Variants in PLAC1 observed in about 807,000 individuals in gnomAD.
PLAC1 encodes the protein placenta associated 1, also known as placenta-specific protein 1.
For missense variants in PLAC1, 136 were observed against 163.2 expected (o/e 0.83, Z 0.91); for synonymous variants, 68 against 62.1 (o/e 1.09, Z -0.44).
At chrX:134,741,212 A>G (rs968842545) in intron 1 of PLAC1, among the ~76,000 whole-genome samples, 17 of 111,984 alleles carry the variant, frequency 1.5e-4, no homozygotes, top group Non-Finnish European at 3.0e-4. Context: ...GGTAAACAGA[A>G]GCTAGCTTTA....
intron 2 of PLAC1, among the ~76,000 whole-genome samples, chrX:134,675,633 C>T (rs1210097081): frequency 9.1e-6 from 1 of 109,295 alleles, no homozygotes; most frequent in Non-Finnish European, 1.9e-5. Context: ...CCATTGCACT[C>T]CAGCCCGGGC....
At chrX:134,733,175 C>T (rs1386707306) in intron 2 of PLAC1, among the ~76,000 whole-genome samples, 1 of 110,700 alleles carries the variant, frequency 9.0e-6, no homozygotes, top group Non-Finnish European at 1.9e-5. Context: ...GGCTTCTCAC[C>T]ATCCCTTGAA....
intron 1 of PLAC1, among the ~76,000 whole-genome samples, chrX:134,620,359 T>A (rs778710422): frequency 1.8e-5 from 2 of 112,444 alleles, no homozygotes; most frequent in African/African-American, 6.5e-5. Flanking sequence ...CCCCCTGGCC[T>A]CTTGTATTTT....
At chrX:134,581,453 A>T (rs1419920777) in intron 2 of PLAC1, among the ~76,000 whole-genome samples, 1 of 98,923 alleles carries the variant, frequency 1.0e-5, no homozygotes, top group East Asian at 3.2e-4. Context: ...CCCCAATAAT[A>T]CCATCTGGTG....
chrX:134,668,398 G>A (rs746407777), intron 2 of PLAC1, among the ~76,000 whole-genome samples: 1 of 112,171 alleles, frequency 8.9e-6, no homozygotes, highest in Non-Finnish European at 1.9e-5. Flanking sequence ...TGGAACTAGT[G>A]ATGATGGTTG....
At chrX:134,719,371 A>G (rs955002724) in intron 2 of PLAC1, among the ~76,000 whole-genome samples, 2 of 112,604 alleles carry the variant, frequency 1.8e-5, no homozygotes, top group Admixed American at 9.4e-5. Flanking sequence ...TTGGTTCAAC[A>G]TAAGAAAATC....
chrX:134,733,229 G>A (rs1299814175), intron 2 of PLAC1, among the ~76,000 whole-genome samples: 1 of 110,184 alleles, frequency 9.1e-6, no homozygotes, highest in Non-Finnish European at 1.9e-5. Context: ...CTCTCACAGA[G>A]TCTTAGTTCA....
intron 2 of PLAC1, among the ~76,000 whole-genome samples, chrX:134,596,085 T>C (rs1230592366): frequency 9.0e-6 from 1 of 111,586 alleles, no homozygotes; most frequent in Non-Finnish European, 1.9e-5. Flanking sequence ...TAATGTTATT[T>C]TGCCAGTATG....
intron 2 of PLAC1, among the ~76,000 whole-genome samples, chrX:134,580,186 G>C (rs2077967332): frequency 8.9e-6 from 1 of 112,246 alleles, no homozygotes; most frequent in Admixed American, 9.5e-5. Context: ...TAAGTGATGA[G>C]AACAAAGACA....
At chrX:134,579,164 T>A (rs1253587362) in intron 2 of PLAC1, among the ~76,000 whole-genome samples, 2 of 110,327 alleles carry the variant, frequency 1.8e-5, no homozygotes, top group Admixed American at 1.9e-4. Context: ...CCTACCCCAA[T>A]AGAATGCACT....
intron 1 of PLAC1, among the ~76,000 whole-genome samples, chrX:134,757,580 A>G (rs2078760179): frequency 8.9e-6 from 1 of 112,083 alleles, no homozygotes; most frequent in Admixed American, 9.5e-5. Context: ...AACAAACAAA[A>G]AAAAGCTCTA....
intron 1 of PLAC1, chrX:134,605,988 T>C (rs767115319): frequency 9.0e-6 from 1 of 111,609 alleles, no homozygotes; most frequent in Non-Finnish European, 1.9e-5. Flanking sequence ...ACGCTTGTAA[T>C]CCCAGCACTT....
At chrX:134,648,697 T>C (rs1336150164) in intron 1 of PLAC1, among the ~76,000 whole-genome samples, 1 of 107,403 alleles carries the variant, frequency 9.3e-6, no homozygotes, top group Admixed American at 9.8e-5. Flanking sequence ...AAAAAAAAGG[T>C]TAAAAAATAA....
chrX:134,662,149 T>G (rs975182499), upstream of PLAC1, among the ~76,000 whole-genome samples: 4 of 110,694 alleles, frequency 3.6e-5, no homozygotes, highest in Non-Finnish European at 7.6e-5. Context: ...AGGAGGATCG[T>G]TTGAGCCCAG....
At chrX:134,676,028 T>G (rs2078473324) in intron 2 of PLAC1, among the ~76,000 whole-genome samples, 1 of 112,149 alleles carries the variant, frequency 8.9e-6, no homozygotes, top group South Asian at 3.7e-4. Context: ...GTCATGTGAC[T>G]CAAGTCATAA....
intron 1 of PLAC1, among the ~76,000 whole-genome samples, chrX:134,644,513 A>G (rs1011442584): frequency 9.1e-6 from 1 of 110,353 alleles, no homozygotes; most frequent in African/African-American, 3.3e-5. Context: ...AACGTGTGCC[A>G]TGGTGGTTTG....
intron 1 of PLAC1, among the ~76,000 whole-genome samples, chrX:134,614,596 T>TACAC (rs112359386): frequency 0.058 from 6,134 of 106,477 alleles, 483 homozygotes; most frequent in African/African-American, 0.2. Flanking sequence ...GTATATATGA[T>TACAC]ACACACACAC....
intron 2 of PLAC1, among the ~76,000 whole-genome samples, chrX:134,579,041 C>G (rs2077959587): frequency 9.0e-6 from 1 of 110,971 alleles, no homozygotes; most frequent in Admixed American, 9.6e-5. Flanking sequence ...ATTACAGAAA[C>G]CAGGGGTTCT....
intron 1 of PLAC1, chrX:134,607,302 G>T (rs112451183): frequency 1.7e-3 from 257 of 148,116 alleles, no homozygotes; most frequent in Non-Finnish European, 2.7e-3. Context: ...GTTCAGAAAG[G>T]AATACCCCAC....
Sources: gnomAD v4.1 joint callset for allele counts (sites outside exome capture counted in the v4.1 genomes callset) on GRCh38, gnomAD v4.1.1 for gene constraint, MANE v1.5 for transcripts, NCBI Gene and HGNC (gene_info 2026-07-23, HGNC 2026-07-21) for gene names.